The following ACSL5 variants were observed in gnomAD, a reference collection of about 807,000 sequenced individuals.
The protein encoded by ACSL5 is acyl-CoA synthetase long chain family member 5.
Under a neutral mutation model 84.9 loss-of-function variants are expected in ACSL5, and 50 were observed. That is an observed-to-expected ratio of 0.59 (90% CI 0.47 to 0.75). The LOEUF (loss-of-function observed/expected upper bound fraction) is 0.75. Among genes scored for constraint, ACSL5 ranks in the 30% least tolerant of loss-of-function variants. The pLI is 0.00. For synonymous variants in ACSL5, 280 were observed against 300.7 expected (o/e 0.93, Z 0.71); for missense variants, 775 against 830.4 (o/e 0.93, Z 0.82).
intron 17 of ACSL5, 132 bp downstream of exon 17, chr10:112,422,573 C>A: frequency 1.3e-6 from 1 of 786,876 alleles, no homozygotes; most frequent in East Asian, 2.5e-5. Flanking sequence ...GGTTTGTACC[C>A]TACCTGGCTT....
chr10:112,415,472 C>G (rs368950927), intron 12 of ACSL5, among the ~76,000 whole-genome samples: 8 of 152,180 alleles, frequency 5.3e-5, no homozygotes, highest in African/African-American at 1.4e-4. Context: ...GCACACGTCT[C>G]TAATACTAGC....
chr10:112,381,400 G>T (rs1056189664), intron 1 of ACSL5, among the ~76,000 whole-genome samples: 9 of 152,136 alleles, frequency 5.9e-5, no homozygotes, highest in African/African-American at 2.2e-4. Flanking sequence ...GGGTACAGTG[G>T]CTCACACTTG....
chr10:112,407,396 G>T (rs1191809158), intron 5 of ACSL5, among the ~76,000 whole-genome samples: 1 of 151,970 alleles, frequency 6.6e-6, no homozygotes, highest in Non-Finnish European at 1.5e-5. Flanking sequence ...GCTAATTTTT[G>T]TATTTTTAGT....
chr10:112,412,032 T>C, intron 11 of ACSL5, 53 bp downstream of exon 11: 1 of 1,501,908 alleles, frequency 6.7e-7, no homozygotes, highest in Non-Finnish European at 9.3e-7. Flanking sequence ...TGACTTGCTA[T>C]CACATGTTTA....
intron 13 of ACSL5, among the ~76,000 whole-genome samples, 179 bp downstream of exon 13, chr10:112,417,201 T>A (rs200525016): frequency 1.7e-5 from 2 of 120,052 alleles, no homozygotes; most frequent in African/African-American, 3.1e-5. Flanking sequence ...GGAGTAGGTT[T>A]AAAAAAAAAA....
At chr10:112,414,438 C>T (rs188707320) in intron 12 of ACSL5, among the ~76,000 whole-genome samples, 59 of 149,410 alleles carry the variant, frequency 3.9e-4, no homozygotes, top group African/African-American at 1.4e-3. Flanking sequence ...TCACTGCAAC[C>T]TCCGCCTCCT....
rs780362239 is a variant in ACSL5 at position 112,422,343 on chromosome 10, A to G, written c.1495A>G (p.Asn499Asp). ...TGTGCAGGTCTGCATCAAGGGTACA[A>G]ACGTGTTCAAAGGATACCTGAAGGA... is the stretch of plus-strand genomic sequence containing the variant. ...NEGEVCIKGT[N>D]VFKGYLKDPE... The change falls in exon 17 of 21, where the codon AAC becomes GAC. Residue 499 changes from asparagine (N) to aspartate (D), a missense_variant. Asn to Asp is a conservative substitution (Grantham distance 23). Coordinates refer to ENST00000354655, the MANE Select transcript of ACSL5 (RefSeq NM_203379.2). 1.2e-6 allele frequency: 2 copies of G among 1,614,000 alleles called. No individual in the cohort carries two copies. The highest frequency in any genetic ancestry group is 1.7e-6 in the Non-Finnish European group (2 of 1,180,008).
At chr10:112,379,561 A>G (rs892434045) in intron 1 of ACSL5, among the ~76,000 whole-genome samples, 8 of 152,168 alleles carry the variant, frequency 5.3e-5, no homozygotes, top group African/African-American at 1.9e-4. Context: ...AAAACTGAGG[A>G]AAAGGGAAGG....
chr10:112,374,621 C>T (rs1319038432), intron 1 of ACSL5, among the ~76,000 whole-genome samples: 3 of 152,132 alleles, frequency 2.0e-5, no homozygotes, highest in East Asian at 1.9e-4. Context: ...AAGGATCGTG[C>T]GTCAGCTGCT....
chr10:112,422,051 C>G lies in ACSL5; in HGVS notation c.1476+16C>G, dbSNP rs763477209. The stretch of plus-strand genomic sequence containing the variant: ...TGAAGGAGAGGTGGGTAGGTCATGC[C>G]CTGTGGTCAGACAGTCATGGTGGGG... On this transcript the variant is annotated intron_variant, in intron 16 of 20. Coordinates refer to ENST00000354655, the MANE Select transcript of ACSL5 (RefSeq NM_203379.2). 6.2e-7 allele frequency: 1 copy of G among 1,612,678 alleles called. No individual in the cohort carries two copies. Among genetic ancestry groups the G allele is most frequent in the African/African-American group, 1.3e-5 (1 of 74,874 alleles).
intron 1 of ACSL5, among the ~76,000 whole-genome samples, chr10:112,379,431 G>C (rs1191966610): frequency 6.9e-6 from 1 of 144,100 alleles, no homozygotes; most frequent in African/African-American, 2.5e-5. Flanking sequence ...AAAAAAAAGA[G>C]ATGAGGGCTT....
At chr10:112,407,843 T>G (rs2133622587) in intron 5 of ACSL5, among the ~76,000 whole-genome samples, 1 of 152,326 alleles carries the variant, frequency 6.6e-6, no homozygotes, top group Admixed American at 6.5e-5. Context: ...TCTGACACCC[T>G]AAGGCTCCTA....
At position 112,412,096 on chromosome 10, in the gene ACSL5, A is replaced by T. The variant is rs1053619520; in HGVS notation, c.948+117A>T. 6 of 1,092,032 alleles carry T rather than the reference A, an allele frequency of 5.5e-6. No individual in the cohort carries two copies. In the African/African-American group the frequency reaches 7.7e-5, roughly 14 times the overall value. The allele number at this position is 1,092,032 out of a possible 1,614,324, so 67.6% of individuals were successfully genotyped here. ...GTTCTTTCTCCGGTGTGAGAGGTGC[A>T]GGCAAGGAGTTGGCTCATGGGAGCC... On this transcript the variant is annotated intron_variant, in intron 11 of 20. Coordinates refer to ENST00000354655, the MANE Select transcript of ACSL5 (RefSeq NM_203379.2).
At chr10:112,404,981 T>C (rs1181640811) in intron 5 of ACSL5, among the ~76,000 whole-genome samples, 175 bp downstream of exon 5, 2 of 152,250 alleles carry the variant, frequency 1.3e-5, no homozygotes, top group Non-Finnish European at 2.9e-5. Context: ...ATTTAATTTC[T>C]GGTTAAGTGT....
chr10:112,422,454 T>A lies in ACSL5; in HGVS notation c.1593+13T>A, dbSNP rs1373051261. On this transcript the variant is annotated intron_variant, in intron 17 of 20. Coordinates refer to ENST00000354655, the MANE Select transcript of ACSL5 (RefSeq NM_203379.2). Reference sequence around the variant, plus strand: ...TCGCTGGCTCCCGGTAGGTATATCATCAGAACTCCTGGAAGTCTATGCTAA... The same window carrying A: ...TCGCTGGCTCCCGGTAGGTATATCAACAGAACTCCTGGAAGTCTATGCTAA... 6.2e-7 allele frequency: 1 copy of A among 1,608,540 alleles called. No individual in the cohort carries two copies. Among genetic ancestry groups the A allele is most frequent in the Non-Finnish European group, 8.5e-7 (1 of 1,175,706 alleles).
chr10:112,411,611 G>C (rs1163839189), intron 10 of ACSL5, 82 bp downstream of exon 10: 8 of 1,162,944 alleles, frequency 6.9e-6, no homozygotes, highest in Non-Finnish European at 7.5e-6. Context: ...AGAGCAGGCA[G>C]ACACACACAC....
intron 3 of ACSL5, among the ~76,000 whole-genome samples, chr10:112,401,786 C>T (rs935236458): frequency 2.5e-5 from 3 of 119,498 alleles, no homozygotes; most frequent in Admixed American, 1.6e-4. Context: ...TTCTTTCTTT[C>T]TCTTTCTTTC....
chr10:112,417,502 C>CAA (rs200150019), intron 13 of ACSL5, among the ~76,000 whole-genome samples: 10 of 118,278 alleles, frequency 8.5e-5, no homozygotes, highest in Non-Finnish European at 5.4e-5. Flanking sequence ...GACTCTATCT[C>CAA]AAAAAAAAAA....
intron 1 of ACSL5, chr10:112,375,163 C>T (rs1298043356): frequency 2.0e-5 from 3 of 152,142 alleles, no homozygotes; most frequent in Admixed American, 1.3e-4. Flanking sequence ...GATTCGACAC[C>T]CACTCTGCCA....
Sources: allele counts gnomAD v4.1 joint callset (sites outside exome capture counted in the v4.1 genomes callset), GRCh38; gene constraint gnomAD v4.1.1; transcripts MANE v1.5; gene names NCBI Gene and HGNC (gene_info 2026-07-23, HGNC 2026-07-21).